The following MARCHF7 variants were observed in gnomAD, a reference collection of about 807,000 sequenced individuals.
MARCHF7 encodes the protein membrane associated ring-CH-type finger 7.
In MARCHF7, 20 loss-of-function variants were observed where a neutral mutation model predicts 76.5. That is an observed-to-expected ratio of 0.26 (90% CI 0.18 to 0.38). The LOEUF is 0.38. Among genes scored for constraint, MARCHF7 ranks in the 10% least tolerant of loss-of-function variants. The pLI is 1.00. For missense variants in MARCHF7, 797 were observed against 812.9 expected (o/e 0.98, Z 0.24); for synonymous variants, 295 against 293.0 (o/e 1.01, Z -0.07).
At chr2:159,744,231 G>A (rs1372131950) in intron 5 of MARCHF7, among the ~76,000 whole-genome samples, 3 of 151,728 alleles carry the variant, frequency 2.0e-5, no homozygotes, top group Admixed American at 6.6e-5. Flanking sequence ...CTCGTGATCC[G>A]CCCACCTCGG....
In MARCHF7 at chr2:159,748,874, TC is replaced by T; in HGVS notation, c.1586del (p.Pro529GlnfsTer7). 1 of 1,608,104 alleles carries T rather than the reference TC, an allele frequency of 6.2e-7. No homozygotes were observed. The highest frequency in any genetic ancestry group is 8.5e-7 in the Non-Finnish European group (1 of 1,177,700). Reference protein sequence around the residue: ...DKTKSAPSRDPERLQKIKESL... With the variant: ...DKTKSAPSRDXERLQKIKESL... ...AAACTAAAAGTGCGCCTTCAAGAGA[TC>T]CAGAAAGATTGCAGAAAATAAAAGA... On this transcript the variant is annotated frameshift_variant, in exon 7 of 12. Coordinates refer to ENST00000409175, the MANE Select transcript of MARCHF7 (RefSeq NM_001282805.2). LOFTEE classifies it high-confidence loss of function.
In MARCHF7 at chr2:159,721,023, A is replaced by ATTTT. The variant is rs796198892; in HGVS notation, c.-15+5269_-15+5272dup. Reference sequence around the variant, plus strand: ...CAGGCGCGAGCCACCACACACGGCTATTTTTTTTTTTTTTTCTGTATTTTT... The same window carrying ATTTT: ...CAGGCGCGAGCCACCACACACGGCTATTTTTTTTTTTTTTTTTTTCTGTATTTTT... On this transcript the variant is annotated intron_variant, in intron 3 of 11. Coordinates refer to ENST00000409175, the MANE Select transcript of MARCHF7 (RefSeq NM_001282805.2). Among the ~76,000 whole-genome samples, 3 of 138,266 alleles carry ATTTT rather than the reference A, an allele frequency of 2.2e-5. No individual in the cohort carries two copies. The East Asian group carries it at 6.2e-4, about 29-fold the overall frequency. The allele number at this position is 138,266 out of a possible 152,430, so 90.7% of individuals were successfully genotyped here.
chr2:159,766,743 G>A (rs1336433038), intron 11 of MARCHF7, among the ~76,000 whole-genome samples: 1 of 152,168 alleles, frequency 6.6e-6, no homozygotes, highest in Non-Finnish European at 1.5e-5. Context: ...AATTTAGGCT[G>A]TGTCTATATG....
intron 3 of MARCHF7, among the ~76,000 whole-genome samples, chr2:159,719,717 G>A (rs1701419831): frequency 6.6e-6 from 1 of 152,084 alleles, no homozygotes; most frequent in East Asian, 1.9e-4. Context: ...TCTTGGTCTG[G>A]TTCTGCCATT....
chr2:159,713,092 T>G (rs1486769997), intron 1 of MARCHF7, among the ~76,000 whole-genome samples: 1 of 152,072 alleles, frequency 6.6e-6, no homozygotes, highest in Non-Finnish European at 1.5e-5. Flanking sequence ...CGGCCTCGAG[T>G]CGAAGTGACT....
chr2:159,748,557 A>G lies in MARCHF7; in HGVS notation c.1267A>G (p.Ile423Val). 6.2e-7 allele frequency: 1 copy of G among 1,614,186 alleles called. No individual in the cohort carries two copies. The highest frequency in any genetic ancestry group is 2.2e-5 in the East Asian group (1 of 44,890). ...PTSDTSSRSH[I>V]FRRESNEVVH... is the part of the protein sequence containing the mutation. ...CTCTGATACATCATCTAGATCTCAT[A>G]TTTTTAGAAGAGAATCAAATGAAGT... The change falls in exon 7 of 12, where the codon ATT (isoleucine) becomes GTT (valine). Residue 423 changes from isoleucine to valine, a missense_variant. Physicochemically the swap from Ile to Val is conservative, Grantham distance 29. This residue lies in a region of MARCHF7 where 643 missense variants were observed against 631.5 expected (regional missense o/e 1.02). Transcript: ENST00000409175.
At chr2:159,733,014 G>A in intron 4 of MARCHF7, 2 of 683,276 alleles carry the variant, frequency 2.9e-6, no homozygotes, top group Non-Finnish European at 1.8e-6. Context: ...TAGTATAGGG[G>A]TTCAGGTGTT....
intron 4 of MARCHF7, among the ~76,000 whole-genome samples, chr2:159,741,221 T>G (rs1490251015): frequency 6.6e-6 from 1 of 151,940 alleles, no homozygotes; most frequent in African/African-American, 2.4e-5. Context: ...AAATAAAAAT[T>G]ACCTAGCCAT....
At chr2:159,760,623 A>C (rs1278774382) in intron 9 of MARCHF7, among the ~76,000 whole-genome samples, 1 of 152,178 alleles carries the variant, frequency 6.6e-6, no homozygotes, top group Non-Finnish European at 1.5e-5. Flanking sequence ...TCTTCTCAAA[A>C]TGAGAGTAGC....
rs772927903 is a variant in MARCHF7, at chr2:159,752,427, G to C, written c.1639G>C (p.Glu547Gln). 1 of 1,598,158 alleles carries C rather than the reference G, an allele frequency of 6.3e-7. No individual in the cohort carries two copies. Among genetic ancestry groups the C allele is most frequent in the South Asian group, 1.1e-5 (1 of 88,016 alleles). Residue 547 changes from glutamate to glutamine, a missense_variant, in exon 8 of 12, where the codon GAA (glutamate) becomes CAA (glutamine). Coordinates refer to ENST00000409175, the MANE Select transcript of MARCHF7 (RefSeq NM_001282805.2). ...ESLLLEDSEE[E>Q]EGDLCRICQM... ...CCTCCTTTTAGAGGACTCAGAAGAA[G>C]AAGAAGGTGACTTATGTAGAATTTG...
At chr2:159,733,007 T>C (rs1703001066) in intron 4 of MARCHF7, 1 of 761,238 alleles carries the variant, frequency 1.3e-6, no homozygotes. Context: ...TAGAACATAG[T>C]ATAGGGGTTC....
intron 9 of MARCHF7, among the ~76,000 whole-genome samples, chr2:159,761,406 C>CTTTT (rs747902045): frequency 0.081 from 5,930 of 73,388 alleles, 1,231 homozygotes; most frequent in Non-Finnish European, 0.098. Flanking sequence ...TGAATCATTT[C>CTTTT]TTTTTTTTTT....
rs527915537 is a variant in MARCHF7, at chr2:159,770,724, C to T, written c.*3382C>T. 1 of 152,218 alleles carries T rather than the reference C, an allele frequency of 6.6e-6. No homozygotes were observed. Among genetic ancestry groups the T allele is most frequent in the East Asian group, 1.9e-4 (1 of 5,180 alleles). 9.4% of individuals were successfully genotyped at this position (152,218 alleles called of 1,614,324 possible). ...TTGTGTTACAATTGTCTGCAGTATTCAGCACAGTAACATGCTGTGTAGGTT... is the reference window on the plus strand; with the variant it reads ...TTGTGTTACAATTGTCTGCAGTATTTAGCACAGTAACATGCTGTGTAGGTT... On this transcript the variant is annotated 3_prime_UTR_variant, in exon 12 of 12. Transcript: ENST00000409175.
intron 8 of MARCHF7, among the ~76,000 whole-genome samples, chr2:159,756,873 C>T (rs982984421): frequency 4.0e-5 from 6 of 150,130 alleles, no homozygotes; most frequent in East Asian, 2.0e-4. Flanking sequence ...GGTAAGTATG[C>T]GATTAAATTA....
At chr2:159,739,247 G>C (rs778336136) in intron 4 of MARCHF7, among the ~76,000 whole-genome samples, 7 of 152,234 alleles carry the variant, frequency 4.6e-5, no homozygotes, top group African/African-American at 7.2e-5. Context: ...TGCTGACTCT[G>C]TGGAGCGCAC....
intron 3 of MARCHF7, among the ~76,000 whole-genome samples, chr2:159,723,689 GTCTA>G (rs1163567298): frequency 1.3e-5 from 2 of 152,028 alleles, no homozygotes; most frequent in African/African-American, 2.4e-5. Context: ...TGATTCAGTA[GTCTA>G]TATTTACATT....
intron 4 of MARCHF7, chr2:159,733,715 C>T (rs1262151020): frequency 1.0e-6 from 1 of 985,188 alleles, no homozygotes; most frequent in African/African-American, 1.7e-5. Flanking sequence ...TATGGGAACA[C>T]CTTATATAGT....
chr2:159,750,496 A>G (rs1051231816), intron 7 of MARCHF7, among the ~76,000 whole-genome samples: 7 of 152,174 alleles, frequency 4.6e-5, no homozygotes, highest in Admixed American at 1.3e-4. Context: ...CTGCACTCCA[A>G]CCAGGCGACA....
chr2:159,764,326 T>TC lies in MARCHF7; in HGVS notation c.2008-298dup, dbSNP rs1220795311. Among the ~76,000 whole-genome samples, 5 of 152,000 alleles carry TC rather than the reference T, an allele frequency of 3.3e-5. No individual in the cohort carries two copies. The East Asian group carries it at 9.7e-4, about 29-fold the overall frequency. ...GTGGTTTTTTGTTTTTTGTTTTTTT[T>TC]CCTCCATTTCGTAATTTTTTGAAGT... On this transcript the variant is annotated intron_variant, in intron 10 of 11. Coordinates refer to ENST00000409175, the MANE Select transcript of MARCHF7 (RefSeq NM_001282805.2).
Sources: gnomAD v4.1 joint callset for allele counts (sites outside exome capture counted in the v4.1 genomes callset) on GRCh38, gnomAD v4.1.1 for gene constraint, gnomAD v4.1.1 regional missense constraint, MANE v1.5 for transcripts, NCBI Gene and HGNC (gene_info 2026-07-23, HGNC 2026-07-21) for gene names.